THSD4: variants seen among roughly 807,000 people sequenced by gnomAD.
THSD4 encodes the protein thrombospondin type-1 domain-containing protein 4.
In THSD4, 69 loss-of-function variants were observed where a neutral mutation model predicts 119.0. That is an observed-to-expected ratio of 0.58 (90% CI 0.48 to 0.71). The LOEUF is 0.71. Among genes scored for constraint, THSD4 ranks in the 30% least tolerant of loss-of-function variants. The probability of loss-of-function intolerance (pLI) is 0.00; values close to 1 mark genes in which losing one functional copy is unlikely to be tolerated. For missense variants in THSD4, 1,393 were observed against 1,391.1 expected (o/e 1.00, Z -0.02); for synonymous variants, 524 against 540.4 (o/e 0.97, Z 0.42).
intron 10 of THSD4, 23 bp downstream of exon 10, chr15:71,731,240 C>T (rs904990567): frequency 2.6e-5 from 41 of 1,604,194 alleles, no homozygotes; most frequent in Admixed American, 1.0e-4. Context: ...GTCTTGTGGC[C>T]GGGGACTCTG....
chr15:71,357,198 G>T (rs1016941083), intron 6 of THSD4, among the ~76,000 whole-genome samples: 7 of 152,184 alleles, frequency 4.6e-5, no homozygotes, highest in Non-Finnish European at 7.3e-5. Context: ...ATCCTAGCTG[G>T]CCCCACGGCT....
chr15:71,415,985 C>A (rs925875416), intron 7 of THSD4, among the ~76,000 whole-genome samples: 1 of 152,084 alleles, frequency 6.6e-6, no homozygotes, highest in Admixed American at 6.6e-5. Context: ...TTAGTAGAGA[C>A]AGGGTTTCGT....
intron 3 of THSD4, among the ~76,000 whole-genome samples, chr15:71,213,023 G>C (rs1596272041): frequency 6.6e-6 from 1 of 152,152 alleles, no homozygotes; most frequent in African/African-American, 2.4e-5. Flanking sequence ...TTTTCCTAGG[G>C]CTGCCATAAT....
intron 7 of THSD4, among the ~76,000 whole-genome samples, chr15:71,543,425 A>G (rs2048789147): frequency 6.6e-6 from 1 of 152,204 alleles, no homozygotes; most frequent in Non-Finnish European, 1.5e-5. Flanking sequence ...GCAGGGCAGC[A>G]GGAATGTGGG....
intron 6 of THSD4, among the ~76,000 whole-genome samples, chr15:71,320,630 C>T (rs1218630596): frequency 1.3e-5 from 2 of 152,186 alleles, no homozygotes; most frequent in African/African-American, 2.4e-5. Flanking sequence ...GTTCCTGGAA[C>T]GTGATCAAAC....
rs1361765834 is a variant in THSD4 at position 71,777,313 on chromosome 15, C to G, written c.2996C>G (p.Ala999Gly). 1 of 1,614,252 alleles carries G rather than the reference C, an allele frequency of 6.2e-7. No individual in the cohort carries two copies. Among genetic ancestry groups the G allele is most frequent in the East Asian group, 2.2e-5 (1 of 44,870 alleles). ...RLCVYNYYKT[A>G]CCASCTRVAN... ...TGTGTCTACAACTACTACAAGACCG[C>G]CTGCTGTGCCTCCTGCACCCGTGTG... Residue 999 changes from alanine (A) to glycine (G), a missense_variant, in exon 18 of 18, where the codon GCC becomes GGC. Transcript: ENST00000261862.
chr15:71,139,635 C>T (rs1047237554), intron 1 of THSD4, among the ~76,000 whole-genome samples: 1 of 152,194 alleles, frequency 6.6e-6, no homozygotes, highest in Non-Finnish European at 1.5e-5. Context: ...TTCTTAATAA[C>T]CCGCAGAAAG....
At chr15:71,623,703 A>T (rs1166583652) in intron 7 of THSD4, among the ~76,000 whole-genome samples, 3 of 152,106 alleles carry the variant, frequency 2.0e-5, no homozygotes, top group Admixed American at 6.6e-5. Flanking sequence ...GGGCGGGATC[A>T]CCTGAGGTCA....
intron 3 of THSD4, among the ~76,000 whole-genome samples, chr15:71,196,285 A>C (rs1480330390): frequency 6.6e-6 from 1 of 152,200 alleles, no homozygotes; most frequent in Admixed American, 6.5e-5. Context: ...TGAAGGAGAC[A>C]CATTGAAACC....
In THSD4 at chr15:71,754,466, GAAACAAACAAACAAAC is replaced by G. The variant is rs59137225; in HGVS notation, c.2416-3420_2416-3405del. Among the ~76,000 whole-genome samples, 717 of 151,662 alleles carry G rather than the reference GAAACAAACAAACAAAC, an allele frequency of 4.7e-3. 10 individuals carry two copies. The highest frequency in any genetic ancestry group is 0.017 in the African/African-American group (689 of 41,302). ...GAAGAAAACCAGATCATACATGGCT[GAAACAAACAAACAAAC>G]AAACAAACAAACAAATCCTTTAGCC... is the stretch of plus-strand genomic sequence containing the variant. On this transcript the variant is annotated intron_variant, in intron 14 of 17. Transcript: ENST00000261862.
chr15:71,343,820 G>A (rs1020036081), intron 6 of THSD4, among the ~76,000 whole-genome samples: 2 of 148,394 alleles, frequency 1.3e-5, no homozygotes, highest in African/African-American at 2.5e-5. Context: ...TCAGATGATC[G>A]TCCTACCTCA....
chr15:71,129,525 C>T (rs1475228176), intron 1 of THSD4, among the ~76,000 whole-genome samples: 1 of 151,840 alleles, frequency 6.6e-6, no homozygotes, highest in Non-Finnish European at 1.5e-5. Flanking sequence ...CCTTTATTGT[C>T]CTTCTTGACC....
In THSD4 at chr15:71,187,933, G is replaced by A. The variant is rs142717908; in HGVS notation, c.100-27102G>A. Among the ~76,000 whole-genome samples the A allele has an allele frequency of 2.6e-4, 39 of 152,228 alleles. No homozygotes were observed. The South Asian group carries it at 5.2e-3, about 20-fold the overall frequency. ...AGAGGGATATAAACAGACTTAAGAC[G>A]GGACTAATTTTAAGGTAACCAGACA... is the stretch of plus-strand genomic sequence containing the variant. On this transcript the variant is annotated intron_variant, in intron 3 of 17. Transcript: ENST00000261862.
intron 7 of THSD4, chr15:71,660,315 C>G: frequency 1.7e-6 from 1 of 573,972 alleles, no homozygotes; most frequent in Non-Finnish European, 3.1e-6. Flanking sequence ...AGTCTTTTTC[C>G]CAGTGTTATT....
chr15:71,258,151 T>C (rs2044342144), intron 6 of THSD4, among the ~76,000 whole-genome samples: 1 of 152,088 alleles, frequency 6.6e-6, no homozygotes, highest in Non-Finnish European at 1.5e-5. Context: ...AGCGTTAATG[T>C]CTTAGTTTTT....
chr15:71,363,897 A>T (rs1427703808), intron 6 of THSD4, among the ~76,000 whole-genome samples: 1 of 152,244 alleles, frequency 6.6e-6, no homozygotes, highest in Non-Finnish European at 1.5e-5. Context: ...TGGTGCAGAA[A>T]GGGTTCCTTG....
intron 7 of THSD4, among the ~76,000 whole-genome samples, chr15:71,459,324 A>ATCTCTCTCTCTCTGTCTCTCTCTCTC (rs2047386685): frequency 9.9e-6 from 1 of 101,202 alleles, no homozygotes; most frequent in African/African-American, 3.7e-5. Context: ...ATGCCCAACT[A>ATCTCTCTCTCTCTGTCTCTCTCTCTC]TCTCTCTCTC....
At chr15:71,455,759 C>T (rs948753038) in intron 7 of THSD4, among the ~76,000 whole-genome samples, 12 of 152,178 alleles carry the variant, frequency 7.9e-5, no homozygotes, top group African/African-American at 2.4e-4. Context: ...AAATTTGACA[C>T]AAGTAGATGC....
intron 7 of THSD4, among the ~76,000 whole-genome samples, chr15:71,553,792 G>A (rs1402070819): frequency 6.6e-6 from 1 of 152,110 alleles, no homozygotes; most frequent in Admixed American, 6.5e-5. Context: ...CATATGAGTT[G>A]TTTCCATTAA....
Sources: allele counts gnomAD v4.1 joint callset (sites outside exome capture counted in the v4.1 genomes callset), GRCh38; gene constraint gnomAD v4.1.1; transcripts MANE v1.5; gene names NCBI Gene and HGNC (gene_info 2026-07-23, HGNC 2026-07-21).